Variants in TIMP2 observed in about 807,000 individuals in gnomAD.
TIMP2 encodes the protein metalloproteinase inhibitor 2.
TIMP2 carries 5 observed loss-of-function variants against 24.3 expected under a neutral mutation model. The ratio of observed to expected loss-of-function variants is 0.21; its 90% CI spans 0.11 to 0.43. The LOEUF is 0.43. Among genes scored for constraint, TIMP2 ranks in the 20% least tolerant of loss-of-function variants. The pLI is 1.00. For missense variants in TIMP2, 221 were observed against 297.5 expected (o/e 0.74, Z 1.89); for synonymous variants, 130 against 123.2 (o/e 1.06, Z -0.37).
chr17:78,892,605 G>A, intron 1 of TIMP2: 6 of 1,284,808 alleles, frequency 4.7e-6, no homozygotes, highest in Non-Finnish European at 6.3e-6. Flanking sequence ...TGCCCACCAG[G>A]GCCCACTCTC....
At chr17:78,921,243 G>A (rs902447326) in intron 1 of TIMP2, among the ~76,000 whole-genome samples, 4 of 152,174 alleles carry the variant, frequency 2.6e-5, no homozygotes, top group African/African-American at 9.7e-5. Flanking sequence ...ACCCTTGGCT[G>A]TTCACCCCAG....
At chr17:78,870,574 T>TTTGGCCCTCCC (rs1409872190) in intron 3 of TIMP2, among the ~76,000 whole-genome samples, 38 of 152,044 alleles carry the variant, frequency 2.5e-4, no homozygotes, top group African/African-American at 8.5e-4. Flanking sequence ...TACGCGAGCT[T>TTTGGCCCTCCC]TTGGCCCTCC....
intron 3 of TIMP2, 86 bp downstream of exon 3, chr17:78,870,812 G>A (rs946914065): frequency 7.6e-6 from 9 of 1,189,340 alleles, no homozygotes; most frequent in African/African-American, 4.5e-5. Context: ...CCCACCCCCC[G>A]AGCCTGGGAA....
At chr17:78,871,098 C>CTGT in intron 2 of TIMP2, 92 bp from the exon 3 acceptor site, 1 of 1,054,772 alleles carries the variant, frequency 9.5e-7, no homozygotes, top group East Asian at 2.5e-5. Flanking sequence ...GCGGCACAAC[C>CTGT]TGTAGCTGGG....
chr17:78,925,110 G>A lies in TIMP2; in HGVS notation c.-22C>T. 1.1e-6 allele frequency: 1 copy of A among 903,846 alleles called. No individual in the cohort carries two copies. Among genetic ancestry groups the A allele is most frequent in the Non-Finnish European group, 1.3e-6 (1 of 757,646 alleles). The allele number at this position is 903,846 out of a possible 1,614,324, so 56.0% of individuals were successfully genotyped here. A position where few individuals can be genotyped will look rare whatever the true frequency, so the allele number is the denominator to read the frequency against. ...CCATGGCGGGCCGGGGGGCTGGGCGGGCGGGGGCCGCCGCTGGGGGGTCCG... is the reference window on the plus strand; with the variant it reads ...CCATGGCGGGCCGGGGGGCTGGGCGAGCGGGGGCCGCCGCTGGGGGGTCCG... On this transcript the variant is annotated 5_prime_UTR_variant, in exon 1 of 5. Coordinates refer to ENST00000262768, the MANE Select transcript of TIMP2 (RefSeq NM_003255.5).
intron 1 of TIMP2, chr17:78,899,777 G>C: frequency 6.6e-6 from 1 of 152,242 alleles, no homozygotes; most frequent in Non-Finnish European, 1.5e-5. Flanking sequence ...CATGTCCCCA[G>C]CCCAGGCCTC....
chr17:78,918,975 G>A (rs530939393), intron 1 of TIMP2, among the ~76,000 whole-genome samples: 184 of 46,084 alleles, frequency 4.0e-3, no homozygotes, highest in African/African-American at 0.013. Context: ...GCAAGACTCC[G>A]TCTCAAAAAA....
At chr17:78,870,674 T>C (rs1163405667) in intron 3 of TIMP2, among the ~76,000 whole-genome samples, 2 of 152,122 alleles carry the variant, frequency 1.3e-5, no homozygotes, top group African/African-American at 4.8e-5. Context: ...ATGCTCCCTT[T>C]TTTTTGTCCA....
Position 78,854,630 on chromosome 17 carries a change from C to T in TIMP2, c.*1037G>A, listed in dbSNP as rs571946048. On this transcript the variant is annotated 3_prime_UTR_variant, in exon 5 of 5. Transcript: ENST00000262768. Reference sequence around the variant, plus strand: ...CACATGCAGAAAGCCCCGTGCAGAACGATGGCTGTCAGTCTTTGAGGGAGG... The same window carrying T: ...CACATGCAGAAAGCCCCGTGCAGAATGATGGCTGTCAGTCTTTGAGGGAGG... The T allele has an allele frequency of 1.6e-4, 24 of 152,196 alleles. No individual in the cohort carries two copies. Among genetic ancestry groups the T allele is most frequent in the African/African-American group, 2.9e-4 (12 of 41,532 alleles). The allele number at this position is 152,196 out of a possible 1,614,324, so 9.4% of individuals were successfully genotyped here.
chr17:78,891,819 G>T lies in TIMP2; in HGVS notation c.131-17900C>A. 3.9e-6 allele frequency: 6 copies of T among 1,550,894 alleles called. No individual in the cohort carries two copies. Among genetic ancestry groups the T allele is most frequent in the Non-Finnish European group, 5.2e-6 (6 of 1,147,052 alleles). Reference sequence around the variant, plus strand: ...CGGCCACCCCCAGACTTGGTCGAAGGTTCTGGCCTTCCCTTTCTCTTCTCA... The same window carrying T: ...CGGCCACCCCCAGACTTGGTCGAAGTTTCTGGCCTTCCCTTTCTCTTCTCA... On this transcript the variant is annotated intron_variant, in intron 1 of 4. Transcript: ENST00000262768. This position sits in a 1 kb window ranked among gnomAD's most constrained non-coding sequence, Gnocchi z 4.5.
chr17:78,867,634 C>T (rs1212830257), intron 3 of TIMP2, among the ~76,000 whole-genome samples: 3 of 144,616 alleles, frequency 2.1e-5, no homozygotes, highest in Admixed American at 7.2e-5. Flanking sequence ...CTCACTCTGT[C>T]GCCCAGACTG....
chr17:78,904,562 G>A (rs890033179), intron 1 of TIMP2: 4 of 152,160 alleles, frequency 2.6e-5, no homozygotes, highest in African/African-American at 7.2e-5. Context: ...CTGCAGGAAT[G>A]TTCTCGATCA....
At position 78,855,852 on chromosome 17, in the gene TIMP2, G is replaced by GGCA; in HGVS notation, c.475_477dup (p.Cys159dup). 1 of 1,614,016 alleles carries GGCA rather than the reference G, an allele frequency of 6.2e-7. No individual in the cohort carries two copies. The highest frequency in any genetic ancestry group is 8.5e-7 in the Non-Finnish European group (1 of 1,179,994). ...GAGGAGATGTAGCACGGGATCATGGGGCAGCGCGTGATCTGGGGAGGGGCA... is the reference window on the plus strand; with the variant it reads ...GAGGAGATGTAGCACGGGATCATGGGGCAGCAGCGCGTGATCTGGGGAGGGGCA... On this transcript the variant is annotated inframe_insertion, in exon 5 of 5. Coordinates refer to ENST00000262768, the MANE Select transcript of TIMP2 (RefSeq NM_003255.5). This position sits in a 1 kb window ranked among gnomAD's most constrained non-coding sequence, Gnocchi z 6.0.
At chr17:78,873,379 C>T (rs2069702279) in intron 2 of TIMP2, among the ~76,000 whole-genome samples, 1 of 149,628 alleles carries the variant, frequency 6.7e-6, no homozygotes, top group Non-Finnish European at 1.5e-5. Flanking sequence ...TGTCTCACTG[C>T]AACCTCTGCC....
intron 1 of TIMP2, chr17:78,898,466 T>G (rs1479834045): frequency 6.6e-6 from 1 of 152,472 alleles, no homozygotes; most frequent in East Asian, 1.9e-4. Flanking sequence ...TCCCTGGCCC[T>G]CCTGTGACCC....
In TIMP2 at chr17:78,924,737, G is replaced by C. The variant is rs535590299; in HGVS notation, c.130+222C>G. 4.6e-5 allele frequency among the ~76,000 whole-genome samples: 7 copies of C among 152,224 alleles called. No individual in the cohort carries two copies. Among genetic ancestry groups the C allele is most frequent in the South Asian group, 2.1e-4 (1 of 4,822 alleles). ...GGAATTTCGGTGGAATTTTGAGGTT[G>C]AGACGCATCTCGGCAAAGAGAGGGA... On this transcript the variant is annotated intron_variant, in intron 1 of 4. Coordinates refer to ENST00000262768, the MANE Select transcript of TIMP2 (RefSeq NM_003255.5). The surrounding 1 kb of genome is among the most constrained non-coding windows in gnomAD (Gnocchi z 5.3).
chr17:78,911,222 G>A (rs1304125274), intron 1 of TIMP2, among the ~76,000 whole-genome samples: 1 of 152,168 alleles, frequency 6.6e-6, no homozygotes, highest in African/African-American at 2.4e-5. Context: ...GGCTGTCGCA[G>A]GAGAAACAGA....
chr17:78,862,411 G>A (rs1196117927), intron 3 of TIMP2, among the ~76,000 whole-genome samples: 1 of 152,190 alleles, frequency 6.6e-6, no homozygotes, highest in Non-Finnish European at 1.5e-5. Context: ...GATGAGAGAG[G>A]TTCCTCTCGC....
chr17:78,908,262 A>G (rs1159244005), intron 1 of TIMP2, among the ~76,000 whole-genome samples: 2 of 152,212 alleles, frequency 1.3e-5, no homozygotes, highest in Non-Finnish European at 2.9e-5. Context: ...AAGATAAGCA[A>G]GACGGAGATG....
Sources: gnomAD v4.1 joint callset for allele counts (sites outside exome capture counted in the v4.1 genomes callset) on GRCh38, gnomAD v4.1.1 for gene constraint, Gnocchi (gnomAD v3.1) non-coding constraint, MANE v1.5 for transcripts, NCBI Gene and HGNC (gene_info 2026-07-23, HGNC 2026-07-21) for gene names.